Variants in GRIN2A observed in about 807,000 individuals in gnomAD.
GRIN2A encodes glutamate receptor ionotropic, NMDA 2A.
In GRIN2A, 22 loss-of-function variants were observed where a neutral mutation model predicts 113.4. The observed-to-expected ratio is 0.19, with a 90% confidence interval of 0.14 to 0.28. The LOEUF is 0.28. Ranked by LOEUF, GRIN2A falls within the 10% of genes least tolerant of loss-of-function variation. GRIN2A has a pLI of 1.00. For missense variants in GRIN2A, 1,502 were observed against 1,887.0 expected (o/e 0.80, Z 3.78); for synonymous variants, 827 against 738.4 (o/e 1.12, Z -1.94).
chr16:10,135,971 C>T (rs921938510), intron 2 of GRIN2A, among the ~76,000 whole-genome samples: 1 of 152,196 alleles, frequency 6.6e-6, no homozygotes, highest in Non-Finnish European at 1.5e-5. Flanking sequence ...CATCATACTC[C>T]GTCCCTAACA....
At chr16:10,149,551 T>C (rs1596555002) in intron 2 of GRIN2A, among the ~76,000 whole-genome samples, 2 of 152,318 alleles carry the variant, frequency 1.3e-5, no homozygotes, top group Middle Eastern at 3.4e-3. Context: ...TCTCTCATTC[T>C]TTTCTTTCTG....
chr16:9,847,995 A>G (rs2042806368), intron 5 of GRIN2A, among the ~76,000 whole-genome samples: 2 of 146,474 alleles, frequency 1.4e-5, no homozygotes, highest in East Asian at 1.9e-4. Flanking sequence ...TTTTTAATAT[A>G]TAAAAATATA....
chr16:9,770,337 A>G (rs912100016), intron 11 of GRIN2A, among the ~76,000 whole-genome samples: 2 of 152,248 alleles, frequency 1.3e-5, no homozygotes, highest in Non-Finnish European at 2.9e-5. Flanking sequence ...AAATGTTTAT[A>G]TCAATTCTCT....
intron 2 of GRIN2A, among the ~76,000 whole-genome samples, chr16:9,949,209 C>T (rs950810591): frequency 3.9e-5 from 6 of 152,222 alleles, no homozygotes; most frequent in African/African-American, 7.2e-5. Context: ...CAGATTAATG[C>T]TAATTCATCT....
At chr16:10,147,368 G>T (rs1014547882) in intron 2 of GRIN2A, among the ~76,000 whole-genome samples, 1 of 151,332 alleles carries the variant, frequency 6.6e-6, no homozygotes, top group Non-Finnish European at 1.5e-5. Context: ...CAGCACTTTG[G>T]GAGGCCGAGG....
At chr16:9,800,273 C>A (rs1244064279) in intron 10 of GRIN2A, among the ~76,000 whole-genome samples, 1 of 152,064 alleles carries the variant, frequency 6.6e-6, no homozygotes, top group Non-Finnish European at 1.5e-5. Flanking sequence ...TGATTAGATC[C>A]CTGTCAGTAG....
intron 5 of GRIN2A, among the ~76,000 whole-genome samples, chr16:9,843,320 G>A (rs2042716086): frequency 6.6e-6 from 1 of 152,008 alleles, no homozygotes; most frequent in Non-Finnish European, 1.5e-5. Context: ...CCATGAAGGT[G>A]GGCAGATTTG....
At chr16:9,829,710 A>G (rs567598756) in intron 8 of GRIN2A, 58 bp from the exon 9 acceptor site, 10 of 1,231,362 alleles carry the variant, frequency 8.1e-6, no homozygotes, top group East Asian at 2.3e-5. Context: ...CTGTTTGTGT[A>G]TGACAACCAC....
At chr16:9,834,045 T>G (rs1480224366) in intron 8 of GRIN2A, 60 bp downstream of exon 8, 1 of 1,567,582 alleles carries the variant, frequency 6.4e-7, no homozygotes, top group Non-Finnish European at 8.8e-7. Flanking sequence ...AACTGAAATT[T>G]TCATTAAAGG....
At chr16:9,832,691 T>C (rs2042517881) in intron 8 of GRIN2A, among the ~76,000 whole-genome samples, 2 of 152,210 alleles carry the variant, frequency 1.3e-5, no homozygotes, top group Admixed American at 1.3e-4. Context: ...TATAAGGAAC[T>C]ACTGTATCAC....
chr16:10,026,522 T>C (rs1311213753), intron 2 of GRIN2A, among the ~76,000 whole-genome samples: 2 of 151,918 alleles, frequency 1.3e-5, no homozygotes, highest in Non-Finnish European at 2.9e-5. Flanking sequence ...CCTTCCTAAA[T>C]TTAAACTTCA....
intron 4 of GRIN2A, among the ~76,000 whole-genome samples, chr16:9,876,140 C>G (rs745731368): frequency 6.6e-6 from 1 of 152,078 alleles, no homozygotes; most frequent in East Asian, 1.9e-4. Context: ...GCATAAAACC[C>G]CTCGTGGCTT....
At chr16:10,145,774 A>G (rs1044138915) in intron 2 of GRIN2A, among the ~76,000 whole-genome samples, 1 of 152,240 alleles carries the variant, frequency 6.6e-6, no homozygotes, top group Admixed American at 6.5e-5. Flanking sequence ...CGCTGTTGTA[A>G]TACGAAAGCA....
chr16:9,843,136 G>T (rs1049458516), intron 5 of GRIN2A, among the ~76,000 whole-genome samples: 1 of 151,562 alleles, frequency 6.6e-6, no homozygotes, highest in African/African-American at 2.4e-5. Flanking sequence ...AGAAAGGAAA[G>T]AAAGAAAGAA....
chr16:9,980,862 C>T (rs1232065472), intron 2 of GRIN2A, among the ~76,000 whole-genome samples: 107 of 149,024 alleles, frequency 7.2e-4, no homozygotes, highest in Middle Eastern at 6.8e-3. Flanking sequence ...GGGGGAGGGA[C>T]AGCATTAGGA....
At chr16:9,985,160 C>T (rs977740864) in intron 2 of GRIN2A, among the ~76,000 whole-genome samples, 3 of 152,100 alleles carry the variant, frequency 2.0e-5, no homozygotes, top group African/African-American at 7.2e-5. Flanking sequence ...TTACGTTGGG[C>T]CCAAACCTAA....
chr16:9,969,689 G>A (rs890755209), intron 2 of GRIN2A, among the ~76,000 whole-genome samples: 31 of 152,256 alleles, frequency 2.0e-4, no homozygotes, highest in African/African-American at 7.2e-4. Flanking sequence ...GCTCCACCAG[G>A]GGATATTTCG....
At chr16:10,059,346 G>C (rs2047510486) in intron 2 of GRIN2A, among the ~76,000 whole-genome samples, 1 of 152,048 alleles carries the variant, frequency 6.6e-6, no homozygotes, top group Non-Finnish European at 1.5e-5. Context: ...ATAATTGATA[G>C]AAGAGACCAG....
rs1337050631 is a variant in GRIN2A at position 9,970,775 on chromosome 16, C to A, written c.415-32224G>T. 3 of 951,570 alleles carry A rather than the reference C, an allele frequency of 3.2e-6. No individual in the cohort carries two copies. In the African/African-American group the frequency reaches 5.3e-5, roughly 17 times the overall value. The allele number at this position is 951,570 out of a possible 1,614,324, so 58.9% of individuals were successfully genotyped here. ...AAATTACAGGCTGGTAAACTCTCAA[C>A]AGGAGAAATATTGGATATATCAAAT... On this transcript the variant is annotated intron_variant, in intron 2 of 12. Transcript: ENST00000330684.
Sources: gnomAD v4.1 joint callset for allele counts (sites outside exome capture counted in the v4.1 genomes callset) on GRCh38, gnomAD v4.1.1 for gene constraint, MANE v1.5 for transcripts, NCBI Gene and HGNC (gene_info 2026-07-23, HGNC 2026-07-21) for gene names.